The following TRIM62 variants were observed in gnomAD, a reference collection of about 807,000 sequenced individuals.
TRIM62 encodes E3 ubiquitin-protein ligase TRIM62.
Under a neutral mutation model 44.2 loss-of-function variants are expected in TRIM62, and 39 were observed. The ratio of observed to expected loss-of-function variants is 0.88; its 90% CI spans 0.68 to 1.15. TRIM62 has a LOEUF of 1.15. Among genes scored for constraint, TRIM62 ranks in the 50% most tolerant of loss-of-function variants. TRIM62 has a pLI of 0.00. For missense variants in TRIM62, 544 were observed against 665.5 expected (o/e 0.82, Z 2.01); for synonymous variants, 278 against 292.3 (o/e 0.95, Z 0.50).
intron 4 of TRIM62, among the ~76,000 whole-genome samples, chr1:33,154,540 C>A (rs1645147490): frequency 6.6e-6 from 1 of 152,186 alleles, no homozygotes; most frequent in African/African-American, 2.4e-5. Flanking sequence ...TGGCTCACGC[C>A]TGTAATCCTA....
At chr1:33,148,108 G>A (rs139365691) in intron 4 of TRIM62, among the ~76,000 whole-genome samples, 1 of 152,256 alleles carries the variant, frequency 6.6e-6, no homozygotes, top group East Asian at 1.9e-4. Context: ...CCCCCTAGGG[G>A]GAATGGGGAA....
At chr1:33,169,247 C>T (rs1645354220) in intron 1 of TRIM62, among the ~76,000 whole-genome samples, 1 of 152,144 alleles carries the variant, frequency 6.6e-6, no homozygotes, top group African/African-American at 2.4e-5. Flanking sequence ...CCATATTCCC[C>T]ATCTCAGTGA....
intron 1 of TRIM62, among the ~76,000 whole-genome samples, chr1:33,171,453 G>A (rs1645374107): frequency 6.6e-6 from 1 of 152,198 alleles, no homozygotes; most frequent in Non-Finnish European, 1.5e-5. Context: ...GCTAGTAAGA[G>A]GCAGAGGGGA....
rs932820680 is a variant in TRIM62, at chr1:33,161,939, A to G, written c.505-1995T>C. Reference sequence around the variant, plus strand: ...ATCCTCACCCTGAACACCTGCCCCCATTTTCAACTTGAACTGCTTTAAGGA... The same window carrying G: ...ATCCTCACCCTGAACACCTGCCCCCGTTTTCAACTTGAACTGCTTTAAGGA... On this transcript the variant is annotated intron_variant, in intron 2 of 4. Transcript: ENST00000291416. The surrounding 1 kb of genome is among the most constrained non-coding windows in gnomAD (Gnocchi z 4.3). Among the ~76,000 whole-genome samples, 2 of 151,942 alleles carry G rather than the reference A, an allele frequency of 1.3e-5. No homozygotes were observed. Among genetic ancestry groups the G allele is most frequent in the African/African-American group, 4.8e-5 (2 of 41,344 alleles).
At chr1:33,175,031 T>TATGTATATGTATATGTATATTTATATGTA (rs1161088243) in intron 1 of TRIM62, among the ~76,000 whole-genome samples, 1 of 147,102 alleles carries the variant, frequency 6.8e-6, no homozygotes, top group Non-Finnish European at 1.5e-5. Context: ...ATGTATATGT[T>TATGTATATGTATATGTATATTTATATGTA]TATGTATATG....
Position 33,146,565 on chromosome 1 carries a change from G to A in TRIM62, c.*612C>T, listed in dbSNP as rs1362265296. 6.3e-6 allele frequency: 1 copy of A among 160,000 alleles called. No individual in the cohort carries two copies. Among genetic ancestry groups the A allele is most frequent in the African/African-American group, 2.4e-5 (1 of 41,502 alleles). The allele number at this position is 160,000 out of a possible 1,614,324, so 9.9% of individuals were successfully genotyped here. ...CTATAATGTGTGGACTCAACTACCA[G>A]GTGCCTTCCACAGGCCACAGCATCA... On this transcript the variant is annotated 3_prime_UTR_variant, in exon 5 of 5. Coordinates refer to ENST00000291416, the MANE Select transcript of TRIM62 (RefSeq NM_018207.3).
rs1241868599 is a variant in TRIM62, at chr1:33,177,229, A to C, written c.408+3796T>G. The stretch of plus-strand genomic sequence containing the variant: ...GGGGTATTATTATGGGGGGACTTTA[A>C]CTTTTACATTATACAGCTCTGCTTC... On this transcript the variant is annotated intron_variant, in intron 1 of 4. Transcript: ENST00000291416. This position sits in a 1 kb window ranked among gnomAD's most constrained non-coding sequence, Gnocchi z 4.1. 6.6e-6 allele frequency among the ~76,000 whole-genome samples: 1 copy of C among 152,184 alleles called. No individual in the cohort carries two copies. The highest frequency in any genetic ancestry group is 1.9e-4 in the East Asian group (1 of 5,202).
chr1:33,149,200 G>A (rs1236839131), intron 4 of TRIM62, among the ~76,000 whole-genome samples: 2 of 152,112 alleles, frequency 1.3e-5, no homozygotes, highest in East Asian at 1.9e-4. Flanking sequence ...TCCCCCAGGC[G>A]GGAATGCAGT....
chr1:33,169,807 GCAGA>G (rs1436523585), intron 1 of TRIM62, among the ~76,000 whole-genome samples: 1 of 152,230 alleles, frequency 6.6e-6, no homozygotes, highest in African/African-American at 2.4e-5. Context: ...ATCAGACAGT[GCAGA>G]CACAGAACTG....
Position 33,174,966 on chromosome 1 carries a change from TATAC to T in TRIM62, c.408+6055_408+6058del, listed in dbSNP as rs1420764667. On this transcript the variant is annotated intron_variant, in intron 1 of 4. Coordinates refer to ENST00000291416, the MANE Select transcript of TRIM62 (RefSeq NM_018207.3). ...GTGTGTATATATATATATATATATA[TATAC>T]ACACATATACATATATATGCACACA... Among the ~76,000 whole-genome samples, 291 of 95,326 alleles carry T rather than the reference TATAC, an allele frequency of 3.1e-3. 1 individual carries two copies. The highest frequency in any genetic ancestry group is 0.012 in the African/African-American group (273 of 22,784). 62.5% of individuals were successfully genotyped at this position (95,326 alleles called of 152,430 possible). A position where few individuals can be genotyped will look rare whatever the true frequency, so the allele number is the denominator to read the frequency against.
Position 33,165,574 on chromosome 1 carries a change from A to ACAC in TRIM62, c.409-11_409-9dup. The ACAC allele has an allele frequency of 6.2e-7, 1 of 1,601,908 alleles. No homozygotes were observed. Among genetic ancestry groups the ACAC allele is most frequent in the Non-Finnish European group, 8.5e-7 (1 of 1,172,952 alleles). ...TTGGTCCTTCAGCTCCCTCTGAAACACACACAGGGCCGGGATGGGGGCAGG... is the reference window on the plus strand; with the variant it reads ...TTGGTCCTTCAGCTCCCTCTGAAACACACCACACAGGGCCGGGATGGGGGCAGG... On this transcript the variant is annotated splice_polypyrimidine_tract_variant and intron_variant, in intron 1 of 4. Coordinates refer to ENST00000291416, the MANE Select transcript of TRIM62 (RefSeq NM_018207.3). This position sits in a 1 kb window ranked among gnomAD's most constrained non-coding sequence, Gnocchi z 4.0.
intron 1 of TRIM62, chr1:33,176,504 G>T: frequency 1.5e-6 from 1 of 670,180 alleles, no homozygotes; most frequent in Non-Finnish European, 2.8e-6. Context: ...TGGAGGGGGC[G>T]GCTGAGACTG....
At chr1:33,162,196 C>T (rs1045406768) in intron 2 of TRIM62, among the ~76,000 whole-genome samples, 7 of 152,290 alleles carry the variant, frequency 4.6e-5, no homozygotes, top group East Asian at 3.9e-4. Flanking sequence ...CTCCTTGACA[C>T]ATAGTAAAAT....
At chr1:33,175,050 T>TATGTATATGTATATG (rs1557762590) in intron 1 of TRIM62, among the ~76,000 whole-genome samples, 1 of 151,396 alleles carries the variant, frequency 6.6e-6, no homozygotes, top group African/African-American at 2.4e-5. Context: ...TGTATATGTA[T>TATGTATATGTATATG]TTTTTTTAAG....
rs146805687 is a variant in TRIM62, at chr1:33,170,283, C to T, written c.409-4717G>A. Among the ~76,000 whole-genome samples the T allele has an allele frequency of 1.1e-3, 171 of 151,490 alleles. 3 individuals are homozygous for T. Among genetic ancestry groups the T allele is most frequent in the Middle Eastern group, 6.8e-3 (2 of 292 alleles). On this transcript the variant is annotated intron_variant, in intron 1 of 4. Transcript: ENST00000291416. ...AGGTTGCAGTGAGCCAAGATCGTGCCACTGCACTCCAGCCTGGGTGACACA... is the reference window on the plus strand; with the variant it reads ...AGGTTGCAGTGAGCCAAGATCGTGCTACTGCACTCCAGCCTGGGTGACACA...
At chr1:33,153,766 C>G (rs1291741307) in intron 4 of TRIM62, among the ~76,000 whole-genome samples, 1 of 152,236 alleles carries the variant, frequency 6.6e-6, no homozygotes, top group Admixed American at 6.5e-5. Context: ...TCAGCAAATA[C>G]TTACTAAGCA....
At chr1:33,176,698 T>A (rs1645422270) in intron 1 of TRIM62, 3 of 405,420 alleles carry the variant, frequency 7.4e-6, no homozygotes, top group Non-Finnish European at 1.3e-5. Context: ...CCCTCAGAGG[T>A]AGCTCAGGGA....
Position 33,163,219 on chromosome 1 carries a change from A to C in TRIM62, c.504+2252T>G. 2 of 151,870 alleles carry C rather than the reference A, an allele frequency of 1.3e-5. 1 individual carries two copies. Among genetic ancestry groups the C allele is most frequent in the Non-Finnish European group, 2.9e-5 (2 of 68,006 alleles). 9.4% of individuals were successfully genotyped at this position (151,870 alleles called of 1,614,324 possible). A position where few individuals can be genotyped will look rare whatever the true frequency, so the allele number is the denominator to read the frequency against. On this transcript the variant is annotated intron_variant, in intron 2 of 4. Transcript: ENST00000291416. ...ATGCCCAGCTAGTTTTTGTATTTTTAGTAGAGACGGGGTTTCACCATATTG... is the reference window on the plus strand; with the variant it reads ...ATGCCCAGCTAGTTTTTGTATTTTTCGTAGAGACGGGGTTTCACCATATTG...
chr1:33,157,348 A>G lies in TRIM62; in HGVS notation c.877+905T>C, dbSNP rs143042979. On this transcript the variant is annotated intron_variant, in intron 4 of 4. Transcript: ENST00000291416. ...CAGGTCCTTTGCACTTGCTGTCCCCATGCCAGGAGCACTCTTCCTCCAGAT... is the reference window on the plus strand; with the variant it reads ...CAGGTCCTTTGCACTTGCTGTCCCCGTGCCAGGAGCACTCTTCCTCCAGAT... Among the ~76,000 whole-genome samples the G allele has an allele frequency of 5.3e-4, 80 of 152,164 alleles. 1 individual carries two copies. The highest frequency in any genetic ancestry group is 1.9e-3 in the African/African-American group (77 of 41,518).
Sources: allele counts gnomAD v4.1 joint callset (sites outside exome capture counted in the v4.1 genomes callset), GRCh38; gene constraint gnomAD v4.1.1; non-coding constraint Gnocchi (gnomAD v3.1); transcripts MANE v1.5; gene names NCBI Gene and HGNC (gene_info 2026-07-23, HGNC 2026-07-21).